ZBTB48: variants seen among roughly 807,000 people sequenced by gnomAD.
ZBTB48 encodes the protein zinc finger and BTB domain containing 48.
In ZBTB48, 35 loss-of-function variants were observed where a neutral mutation model predicts 64.5. The ratio of observed to expected loss-of-function variants is 0.54; its 90% CI spans 0.41 to 0.72. The LOEUF (loss-of-function observed/expected upper bound fraction) is 0.72. Among genes scored for constraint, ZBTB48 ranks in the 30% least tolerant of loss-of-function variants. ZBTB48 has a pLI of 0.00. For missense variants in ZBTB48, 828 were observed against 895.3 expected, an observed-to-expected ratio of 0.92 and a Z score of 0.96; for synonymous variants, 442 against 356.7, an observed-to-expected ratio of 1.24 and a Z score of -2.70.
In ZBTB48 at chr1:6,588,090, C is replaced by T; in HGVS notation, c.1410C>T (p.Cys470=). The T allele has an allele frequency of 6.2e-7, 1 of 1,614,202 alleles. No homozygotes were observed. The highest frequency in any genetic ancestry group is 8.5e-7 in the Non-Finnish European group (1 of 1,180,052). ...RNERPHVCEF[C]SHAFTQKANL... ...AGAGGCCACACGTATGTGAGTTCTG[C>T]AGCCACGCCTTCACCCAAAAGGCCA... The change falls in exon 8 of 11, where the codon TGC becomes TGT. Residue 470 remains cysteine, a synonymous_variant. Coordinates refer to ENST00000377674, the MANE Select transcript of ZBTB48 (RefSeq NM_005341.4).
Position 6,588,451 on chromosome 1 carries a change from GCGGC to G in ZBTB48, c.1681+11_1681+14del. ...CGGCAAGACCTTCAAAGGTACCTGG[GCGGC>G]CCTGGGAGAGCCATTTCCTGCTCAT... is the stretch of plus-strand genomic sequence containing the variant. On this transcript the variant is annotated intron_variant, in intron 9 of 10. Coordinates refer to ENST00000377674, the MANE Select transcript of ZBTB48 (RefSeq NM_005341.4). The G allele has an allele frequency of 6.6e-7, 1 of 1,507,430 alleles. No homozygotes were observed. The highest frequency in any genetic ancestry group is 8.9e-7 in the Non-Finnish European group (1 of 1,126,444). 93.4% of individuals were successfully genotyped at this position (1,507,430 alleles called of 1,614,324 possible). A position where few individuals can be genotyped will look rare whatever the true frequency, so the allele number is the denominator to read the frequency against.
At chr1:6,588,637 T>C in intron 9 of ZBTB48, 119 bp from the exon 10 acceptor site, 1 of 1,481,592 alleles carries the variant, frequency 6.7e-7, no homozygotes, top group African/African-American at 1.4e-5. Context: ...TGGCAGGGCC[T>C]GTGCAGCACT....
chr1:6,580,902 C>A lies in ZBTB48; in HGVS notation c.293C>A (p.Ala98Glu), dbSNP rs750621086. 3 of 1,614,134 alleles carry A rather than the reference C, an allele frequency of 1.9e-6. No homozygotes were observed. Among genetic ancestry groups the A allele is most frequent in the Non-Finnish European group, 2.5e-6 (3 of 1,180,048 alleles). ...GGGAACCGGGATCAGGTGCTCCTGG[C>A]AGCCAGGGAGTTGCGAGTGCCAGAG... ...TSGNRDQVLL[A>E]ARELRVPEAV... The change falls in exon 2 of 11, where the codon GCA becomes GAA. Residue 98 changes from alanine to glutamate, a missense_variant. Ala to Glu is a moderately radical substitution (Grantham distance 107). Coordinates refer to ENST00000377674, the MANE Select transcript of ZBTB48 (RefSeq NM_005341.4). This position sits in a 1 kb window ranked among gnomAD's most constrained non-coding sequence, Gnocchi z 5.2.
rs138184801 is a variant in ZBTB48, at chr1:6,581,002, G to C, written c.393G>C (p.Gly131=). The C allele has an allele frequency of 1.9e-6, 3 of 1,613,442 alleles. No individual in the cohort carries two copies. The Admixed American group carries it at 5.0e-5, about 27-fold the overall frequency. The change falls in exon 2 of 11, where the codon GGG becomes GGC. Residue 131 remains glycine, a synonymous_variant. Coordinates refer to ENST00000377674, the MANE Select transcript of ZBTB48 (RefSeq NM_005341.4). ...GQAAGGQSGL[G]PPASQNVNSH... ...CAGCAGGTGGCCAGAGTGGGCTGGGGCCCCCTGCCTCCCAGAATGTGAACA... is the reference window on the plus strand; with the variant it reads ...CAGCAGGTGGCCAGAGTGGGCTGGGCCCCCCTGCCTCCCAGAATGTGAACA...
At chr1:6,587,664 G>C (rs1403019720) in intron 7 of ZBTB48, 32 bp downstream of exon 7, 5 of 1,609,436 alleles carry the variant, frequency 3.1e-6, no homozygotes, top group Non-Finnish European at 4.2e-6. Flanking sequence ...TTGGGGCCCA[G>C]TCCTGCTGCC....
rs1414244307 is a variant in ZBTB48 at position 6,581,020 on chromosome 1, T to C, written c.411T>C (p.Asn137=). Residue 137 remains asparagine, a synonymous_variant, in exon 2 of 11, where the codon AAT becomes AAC. Coordinates refer to ENST00000377674, the MANE Select transcript of ZBTB48 (RefSeq NM_005341.4). Reference sequence around the variant, plus strand: ...GGCTGGGGCCCCCTGCCTCCCAGAATGTGAACAGCCACGTCAAGGAGCCGG... The same window carrying C: ...GGCTGGGGCCCCCTGCCTCCCAGAACGTGAACAGCCACGTCAAGGAGCCGG... The part of the protein sequence containing the change: ...QSGLGPPASQ[N]VNSHVKEPAG... The C allele has an allele frequency of 6.2e-7, 1 of 1,613,338 alleles. No individual in the cohort carries two copies. The highest frequency in any genetic ancestry group is 1.3e-5 in the African/African-American group (1 of 75,022).
At chr1:6,588,557 T>C (rs1300974462) in intron 9 of ZBTB48, 115 bp downstream of exon 9, 1 of 1,448,982 alleles carries the variant, frequency 6.9e-7, no homozygotes, top group Non-Finnish European at 9.1e-7. Flanking sequence ...ATGGTTAGAG[T>C]TGAGAGTGGA....
chr1:6,584,849 G>C lies in ZBTB48; in HGVS notation c.933-1070G>C, dbSNP rs531137083. Among the ~76,000 whole-genome samples the C allele has an allele frequency of 5.9e-5, 9 of 152,274 alleles. No homozygotes were observed. In the East Asian group the frequency reaches 1.4e-3, roughly 23 times the overall value. On this transcript the variant is annotated intron_variant, in intron 3 of 10. Coordinates refer to ENST00000377674, the MANE Select transcript of ZBTB48 (RefSeq NM_005341.4). This position sits in a 1 kb window ranked among gnomAD's most constrained non-coding sequence, Gnocchi z 4.5. ...CCTCTGGAAGGTGGGAGGAGCTGTC[G>C]CAGGCTGCACAGGGGCTCTGAGGTC...
At chr1:6,581,999 A>C in intron 2 of ZBTB48, 59 bp from the exon 3 acceptor site, 1 of 1,599,640 alleles carries the variant, frequency 6.3e-7, no homozygotes, top group Non-Finnish European at 8.6e-7. Context: ...CTGGGTCCCT[A>C]CAACTCCTGC....
Position 6,587,222 on chromosome 1 carries a change from G to A in ZBTB48, c.1155G>A (p.Gln385=). Residue 385 remains glutamine (Q), a synonymous_variant, in exon 6 of 11, where the codon CAG becomes CAA. Transcript: ENST00000377674. ...EMPYKCSSCS[Q]QFMQKKDLQS... Reference sequence around the variant, plus strand: ...TTTTTCAGTGTTCCTCCTGCTCCCAGCAGTTCATGCAGAAGAAGGACTTGC... The same window carrying A: ...TTTTTCAGTGTTCCTCCTGCTCCCAACAGTTCATGCAGAAGAAGGACTTGC... 3 of 1,614,032 alleles carry A rather than the reference G, an allele frequency of 1.9e-6. No homozygotes were observed. Among genetic ancestry groups the A allele is most frequent in the Non-Finnish European group, 2.5e-6 (3 of 1,180,032 alleles).
chr1:6,587,638 T>C lies in ZBTB48; in HGVS notation c.1379+6T>C, dbSNP rs1267428364. ...CACATCAAGGCCAAGCACAGGTGCG[T>C]GTCGCCCGTTCTCTCTTGGGGCCCA... On this transcript the variant is annotated splice_donor_region_variant and intron_variant, in intron 7 of 10. Transcript: ENST00000377674. The C allele has an allele frequency of 6.2e-7, 1 of 1,612,240 alleles. No individual in the cohort carries two copies. Among genetic ancestry groups the C allele is most frequent in the Non-Finnish European group, 8.5e-7 (1 of 1,180,018 alleles).
chr1:6,588,366 C>T lies in ZBTB48; in HGVS notation c.1605C>T (p.Pro535=), dbSNP rs1328526336. ...AACAGCGCTTCACTGAGAAGGGGCC[C>T]CTCCTGAGGCACGTGGCCAGCCGCC... The part of the protein sequence containing the change: ...FCEQRFTEKG[P]LLRHVASRHQ... Residue 535 remains proline (P), a synonymous_variant, in exon 9 of 11, where the codon CCC becomes CCT. Transcript: ENST00000377674. 3.7e-6 allele frequency: 6 copies of T among 1,600,774 alleles called. No homozygotes were observed. The African/African-American group carries it at 4.0e-5, about 11-fold the overall frequency.
Position 6,584,588 on chromosome 1 carries a change from C to T in ZBTB48, c.933-1331C>T, listed in dbSNP as rs114705529. Among the ~76,000 whole-genome samples the T allele has an allele frequency of 0.013, 1,915 of 152,328 alleles. 40 individuals are homozygous for T. Among genetic ancestry groups the T allele is most frequent in the African/African-American group, 0.044 (1,822 of 41,568 alleles). ...TGCACCGTGTTCAGGGCAGCTGCTGCCAGTGGAATGCTGGGATAACCCCAG... is the reference window on the plus strand; with the variant it reads ...TGCACCGTGTTCAGGGCAGCTGCTGTCAGTGGAATGCTGGGATAACCCCAG... On this transcript the variant is annotated intron_variant, in intron 3 of 10. Transcript: ENST00000377674. This position sits in a 1 kb window ranked among gnomAD's most constrained non-coding sequence, Gnocchi z 4.5.
rs149898936 is a variant in ZBTB48, at chr1:6,585,677, C to T, written c.933-242C>T. The T allele has an allele frequency of 1.3e-4, 67 of 520,554 alleles. No individual in the cohort carries two copies. In the East Asian group the frequency reaches 1.7e-3, roughly 13 times the overall value. 32.2% of individuals were successfully genotyped at this position (520,554 alleles called of 1,614,324 possible). ...AATGCGGTCAGCTGGGCCTCCCTGT[C>T]GGCCTCTGTGCTGGCCAGATCCATG... On this transcript the variant is annotated intron_variant, in intron 3 of 10. Transcript: ENST00000377674.
intron 5 of ZBTB48, 38 bp from the exon 6 acceptor site, chr1:6,587,167 C>T (rs1210681840): frequency 1.2e-6 from 2 of 1,611,152 alleles, no homozygotes; most frequent in African/African-American, 1.3e-5. Flanking sequence ...TTCATGGGTG[C>T]AGGCCGCCCT....
intron 5 of ZBTB48, 48 bp downstream of exon 5, chr1:6,586,835 C>A: frequency 6.3e-7 from 1 of 1,580,878 alleles, no homozygotes; most frequent in East Asian, 2.3e-5. Context: ...GCCCCAGGAT[C>A]CTTCCTGCTG....
chr1:6,580,855 T>G lies in ZBTB48; in HGVS notation c.246T>G (p.Thr82=), dbSNP rs1366089353. 1 of 1,614,180 alleles carries G rather than the reference T, an allele frequency of 6.2e-7. No individual in the cohort carries two copies. The highest frequency in any genetic ancestry group is 1.1e-5 in the South Asian group (1 of 91,090). ...IFGLLLDFFY[T]GHLALTSGNR... ...GCCTCTTGTTGGACTTTTTCTACAC[T>G]GGTCACCTCGCTCTCACCTCAGGGA... is the stretch of plus-strand genomic sequence containing the variant. The change falls in exon 2 of 11, where the codon ACT becomes ACG. Residue 82 remains threonine (T), a synonymous_variant. Coordinates refer to ENST00000377674, the MANE Select transcript of ZBTB48 (RefSeq NM_005341.4). This position sits in a 1 kb window ranked among gnomAD's most constrained non-coding sequence, Gnocchi z 5.2.
intron 3 of ZBTB48, among the ~76,000 whole-genome samples, chr1:6,583,457 C>T (rs1471798117): frequency 1.3e-5 from 2 of 151,906 alleles, no homozygotes; most frequent in South Asian, 2.1e-4. Flanking sequence ...CCTGCCACCA[C>T]GCCTGGCTAA....
intron 3 of ZBTB48, 43 bp downstream of exon 3, chr1:6,582,342 C>A: frequency 6.3e-7 from 1 of 1,591,666 alleles, no homozygotes; most frequent in Non-Finnish European, 8.6e-7. Context: ...GTCTGCCATT[C>A]CCACGTTGGG....
Sources: gnomAD v4.1 joint callset for allele counts (sites outside exome capture counted in the v4.1 genomes callset) on GRCh38, gnomAD v4.1.1 for gene constraint, Gnocchi (gnomAD v3.1) non-coding constraint, MANE v1.5 for transcripts, NCBI Gene and HGNC (gene_info 2026-07-23, HGNC 2026-07-21) for gene names.